Variants in CAMKMT observed in about 807,000 individuals in gnomAD.
CAMKMT encodes CaM KMT.
In CAMKMT, 53 loss-of-function variants were observed where a neutral mutation model predicts 48.0. That is an observed-to-expected ratio of 1.10 (90% confidence interval 0.89 to 1.39). The LOEUF is 1.39. CAMKMT is among the 40% of genes most tolerant of loss of function. The probability of loss-of-function intolerance (pLI) is 0.00; values close to 1 mark genes in which losing one functional copy is unlikely to be tolerated. For synonymous variants in CAMKMT, 165 were observed against 152.3 expected, an observed-to-expected ratio of 1.08 and a Z score of -0.61; for missense variants, 428 against 402.7, an observed-to-expected ratio of 1.06 and a Z score of -0.54.
chr2:44,377,215 C>G (rs930780137), intron 2 of CAMKMT, among the ~76,000 whole-genome samples: 1 of 152,112 alleles, frequency 6.6e-6, no homozygotes, highest in Non-Finnish European at 1.5e-5. Context: ...CTGTGTTGCC[C>G]AGGCTGGTCT....
intron 3 of CAMKMT, among the ~76,000 whole-genome samples, chr2:44,621,375 G>A (rs1672186516): frequency 6.6e-6 from 1 of 151,842 alleles, no homozygotes; most frequent in Non-Finnish European, 1.5e-5. Context: ...TCTTTCCAAG[G>A]CTCTACCTGT....
chr2:44,392,050 T>C (rs1036840771), intron 3 of CAMKMT: 2 of 152,522 alleles, frequency 1.3e-5, no homozygotes, highest in Non-Finnish European at 2.9e-5. Flanking sequence ...AGAGTTGATA[T>C]GCAATAAAAG....
chr2:44,644,979 A>G (rs1036336302), intron 3 of CAMKMT, among the ~76,000 whole-genome samples: 1 of 152,236 alleles, frequency 6.6e-6, no homozygotes, highest in African/African-American at 2.4e-5. Context: ...ATTGAAAGAT[A>G]TAAAAAAGCT....
At chr2:44,629,251 C>G (rs1160976455) in intron 3 of CAMKMT, among the ~76,000 whole-genome samples, 2 of 152,004 alleles carry the variant, frequency 1.3e-5, no homozygotes, top group African/African-American at 4.8e-5. Flanking sequence ...GATGATTTGA[C>G]TCCTACGTCT....
intron 3 of CAMKMT, among the ~76,000 whole-genome samples, chr2:44,675,150 A>T (rs1312677097): frequency 5.9e-5 from 9 of 151,638 alleles, no homozygotes; most frequent in Admixed American, 2.0e-4. Flanking sequence ...CATTCCCTTA[A>T]TTCTCTCCCA....
chr2:44,694,111 TG>T (rs1676808267), intron 3 of CAMKMT, among the ~76,000 whole-genome samples: 1 of 152,182 alleles, frequency 6.6e-6, no homozygotes, highest in South Asian at 2.1e-4. Context: ...GCCTTAGGAC[TG>T]TCCTCCAGGA....
At position 44,594,631 on chromosome 2, in the gene CAMKMT, C is replaced by G. The variant is rs544193114; in HGVS notation, c.377-109652C>G. 7.2e-5 allele frequency among the ~76,000 whole-genome samples: 11 copies of G among 152,252 alleles called. No homozygotes were observed. The East Asian group carries it at 1.5e-3, about 21-fold the overall frequency. Reference sequence around the variant, plus strand: ...CATATGCAGGAAGCTGAAACTGGATCCCTTCCTTACACCTTAGACAAAAAT... The same window carrying G: ...CATATGCAGGAAGCTGAAACTGGATGCCTTCCTTACACCTTAGACAAAAAT... On this transcript the variant is annotated intron_variant, in intron 3 of 10. Coordinates refer to ENST00000378494, the MANE Select transcript of CAMKMT (RefSeq NM_024766.5).
chr2:44,484,939 A>G (rs901462304), intron 3 of CAMKMT, among the ~76,000 whole-genome samples: 1 of 152,172 alleles, frequency 6.6e-6, no homozygotes, highest in Admixed American at 6.5e-5. Flanking sequence ...CGAACAGTAT[A>G]TCCAAATGGC....
intron 3 of CAMKMT, among the ~76,000 whole-genome samples, chr2:44,687,230 T>C (rs1009481233): frequency 6.6e-6 from 1 of 152,234 alleles, no homozygotes; most frequent in South Asian, 2.1e-4. Flanking sequence ...TGGTTTCCAC[T>C]GTTGTATGCC....
At chr2:44,446,173 C>G (rs983555349) in intron 3 of CAMKMT, among the ~76,000 whole-genome samples, 4 of 151,934 alleles carry the variant, frequency 2.6e-5, no homozygotes, top group African/African-American at 7.3e-5. Context: ...GTCTCGAATT[C>G]TTGACCTCAG....
intron 2 of CAMKMT, among the ~76,000 whole-genome samples, chr2:44,378,666 G>A (rs1427180340): frequency 6.6e-6 from 1 of 152,122 alleles, no homozygotes; most frequent in Non-Finnish European, 1.5e-5. Flanking sequence ...GCTAATTTTT[G>A]TATTTTTAGT....
intron 3 of CAMKMT, among the ~76,000 whole-genome samples, chr2:44,476,083 C>A (rs1668673963): frequency 6.6e-6 from 1 of 152,138 alleles, no homozygotes; most frequent in Admixed American, 6.5e-5. Flanking sequence ...GAAAAGACTT[C>A]TTCATAATAT....
intron 3 of CAMKMT, among the ~76,000 whole-genome samples, chr2:44,430,481 T>C (rs982607436): frequency 2.0e-5 from 3 of 151,252 alleles, no homozygotes; most frequent in African/African-American, 7.3e-5. Context: ...AGAGAATAGA[T>C]GGTAACAATT....
chr2:44,397,285 A>T (rs1359259095), intron 3 of CAMKMT, among the ~76,000 whole-genome samples: 1 of 152,130 alleles, frequency 6.6e-6, no homozygotes, highest in African/African-American at 2.4e-5. Context: ...GAAAATTTAT[A>T]AGTTGTGTTA....
intron 3 of CAMKMT, among the ~76,000 whole-genome samples, chr2:44,558,199 C>T (rs1668125402): frequency 6.6e-6 from 1 of 152,096 alleles, no homozygotes. Context: ...CCACCACACT[C>T]AGCTAATTTT....
chr2:44,403,550 CTACTGCTGATT>C, intron 3 of CAMKMT, among the ~76,000 whole-genome samples: 1 of 152,340 alleles, frequency 6.6e-6, no homozygotes, highest in East Asian at 1.9e-4. Context: ...TAGCTTCTCA[CTACTGCTGATT>C]TAAGATTCAG....
In CAMKMT at chr2:44,749,949, G is replaced by C. The variant is rs554194287; in HGVS notation, c.699-4106G>C. Reference sequence around the variant, plus strand: ...ACCTGCAGCATTAGAAATGGGAGTAGGGGGCCTTACTTAGGCCCCTCATGG... The same window carrying C: ...ACCTGCAGCATTAGAAATGGGAGTACGGGGCCTTACTTAGGCCCCTCATGG... On this transcript the variant is annotated intron_variant, in intron 8 of 10. Coordinates refer to ENST00000378494, the MANE Select transcript of CAMKMT (RefSeq NM_024766.5). Among the ~76,000 whole-genome samples the C allele has an allele frequency of 1.5e-3, 235 of 152,304 alleles. 1 individual carries two copies. The highest frequency in any genetic ancestry group is 2.7e-3 in the Non-Finnish European group (185 of 68,020).
intron 3 of CAMKMT, among the ~76,000 whole-genome samples, chr2:44,542,964 A>T (rs921360931): frequency 3.3e-5 from 5 of 152,160 alleles, no homozygotes; most frequent in Non-Finnish European, 7.4e-5. Context: ...CACTATTATT[A>T]AGCTTTTAAC....
At chr2:44,397,186 G>C (rs1481272686) in intron 3 of CAMKMT, among the ~76,000 whole-genome samples, 3 of 152,148 alleles carry the variant, frequency 2.0e-5, no homozygotes, top group African/African-American at 7.2e-5. Context: ...TAAGGAATCA[G>C]AGATCAAATC....
Sources: gnomAD v4.1 joint callset for allele counts (sites outside exome capture counted in the v4.1 genomes callset) on GRCh38, gnomAD v4.1.1 for gene constraint, MANE v1.5 for transcripts, NCBI Gene and HGNC (gene_info 2026-07-23, HGNC 2026-07-21) for gene names.